CSMD1: variants seen among roughly 807,000 people sequenced by gnomAD.
CSMD1 encodes CUB and Sushi multiple domains 1, also known as CUB and sushi domain-containing protein 1.
CSMD1 carries 213 observed loss-of-function variants against 417.5 expected under a neutral mutation model. That is an observed-to-expected ratio of 0.51 (90% CI 0.46 to 0.57). The LOEUF is 0.57. CSMD1 is among the 20% of genes least tolerant of loss of function. The probability of loss-of-function intolerance (pLI) is 0.00; values close to 1 mark genes in which losing one functional copy is unlikely to be tolerated. For synonymous variants in CSMD1, 2,862 were observed against 1,736.8 expected, an observed-to-expected ratio of 1.65 and a Z score of -16.11; for missense variants, 6,923 against 4,529.7, an observed-to-expected ratio of 1.53 and a Z score of -15.17.
intron 49 of CSMD1, among the ~76,000 whole-genome samples, chr8:3,086,705 G>C (rs939050877): frequency 1.3e-5 from 2 of 152,112 alleles, no homozygotes; most frequent in African/African-American, 4.8e-5. Flanking sequence ...CAAATACAGA[G>C]CTTAGGGCTC....
chr8:4,291,437 A>C (rs1354857958), intron 3 of CSMD1, among the ~76,000 whole-genome samples: 2 of 152,174 alleles, frequency 1.3e-5, no homozygotes, highest in Admixed American at 6.5e-5. Flanking sequence ...AGCATGGTAG[A>C]ATTTGAATTA....
chr8:3,284,041 G>T, intron 26 of CSMD1, 103 bp downstream of exon 26: 1 of 943,030 alleles, frequency 1.1e-6, no homozygotes, highest in Non-Finnish European at 1.6e-6. Context: ...TCAATAAATT[G>T]CATCTGTGTA....
chr8:4,682,955 C>T (rs1333526527), intron 1 of CSMD1, among the ~76,000 whole-genome samples: 7 of 118,490 alleles, frequency 5.9e-5, no homozygotes, highest in Non-Finnish European at 7.0e-5. Flanking sequence ...TAAGTATCTT[C>T]ATATATATAT....
chr8:4,774,790 T>A (rs1295134257), intron 1 of CSMD1, among the ~76,000 whole-genome samples: 1 of 152,048 alleles, frequency 6.6e-6, no homozygotes, highest in East Asian at 1.9e-4. Flanking sequence ...CTGTAGCACC[T>A]CCCCGCCAAC....
intron 1 of CSMD1, among the ~76,000 whole-genome samples, chr8:4,702,675 C>T (rs1362277378): frequency 6.6e-6 from 1 of 152,058 alleles, no homozygotes; most frequent in African/African-American, 2.4e-5. Flanking sequence ...TTTTAATAAC[C>T]ACTAATACAA....
chr8:4,761,819 A>G (rs1340190704), intron 1 of CSMD1, among the ~76,000 whole-genome samples: 2 of 151,476 alleles, frequency 1.3e-5, no homozygotes, highest in African/African-American at 2.4e-5. Context: ...TAAATAAAAT[A>G]GCAAAATAGT....
intron 1 of CSMD1, among the ~76,000 whole-genome samples, chr8:4,924,378 A>T (rs989291276): frequency 6.6e-6 from 1 of 152,236 alleles, no homozygotes; most frequent in Non-Finnish European, 1.5e-5. Flanking sequence ...TTATTGAATT[A>T]AAAACCATCT....
intron 2 of CSMD1, among the ~76,000 whole-genome samples, chr8:4,563,272 G>A (rs545416969): frequency 3.9e-5 from 6 of 152,096 alleles, no homozygotes; most frequent in Admixed American, 6.5e-5. Context: ...ATGGTGGCGG[G>A]CACCTGTAGT....
intron 3 of CSMD1, among the ~76,000 whole-genome samples, chr8:4,032,757 G>C (rs1401827805): frequency 6.6e-6 from 1 of 152,192 alleles, no homozygotes; most frequent in Non-Finnish European, 1.5e-5. Context: ...TTTGACAACA[G>C]AAATACTGAA....
intron 2 of CSMD1, among the ~76,000 whole-genome samples, chr8:4,455,257 T>TA (rs1451774115): frequency 4.6e-5 from 7 of 151,900 alleles, no homozygotes; most frequent in Non-Finnish European, 5.9e-5. Context: ...TTCCCCAGGT[T>TA]AAAAAAAATA....
chr8:3,946,236 G>A (rs930160761), intron 5 of CSMD1, among the ~76,000 whole-genome samples: 2 of 152,116 alleles, frequency 1.3e-5, no homozygotes, highest in African/African-American at 4.8e-5. Flanking sequence ...CAAGTTGTAT[G>A]CATCTTGATA....
intron 1 of CSMD1, among the ~76,000 whole-genome samples, chr8:4,823,083 A>T (rs529491792): frequency 6.6e-6 from 1 of 152,192 alleles, no homozygotes; most frequent in South Asian, 2.1e-4. Context: ...ATTTATTTTA[A>T]GTGATGTCTT....
At chr8:3,270,924 AT>A (rs1008638432) in intron 26 of CSMD1, among the ~76,000 whole-genome samples, 2 of 119,194 alleles carry the variant, frequency 1.7e-5, no homozygotes. Flanking sequence ...TTTTTTTTTA[AT>A]TTTTTATTTA....
At chr8:4,641,239 C>T (rs1342315399) in intron 1 of CSMD1, among the ~76,000 whole-genome samples, 4 of 151,940 alleles carry the variant, frequency 2.6e-5, no homozygotes, top group Non-Finnish European at 5.9e-5. Flanking sequence ...AAAACCTGAA[C>T]ACATGCCATA....
chr8:3,952,511 AC>A (rs1811659540), intron 5 of CSMD1, among the ~76,000 whole-genome samples: 1 of 152,230 alleles, frequency 6.6e-6, no homozygotes, highest in Non-Finnish European at 1.5e-5. Context: ...AGCCACATAA[AC>A]AAAACCTCCT....
chr8:3,087,355 G>A, intron 48 of CSMD1, 70 bp from the exon 49 acceptor site: 3 of 1,481,368 alleles, frequency 2.0e-6, no homozygotes, highest in Non-Finnish European at 2.8e-6. Context: ...TTGCCTTTGT[G>A]AGAGTCTATA....
chr8:4,572,364 C>T (rs1013494762), intron 2 of CSMD1, among the ~76,000 whole-genome samples: 14 of 152,116 alleles, frequency 9.2e-5, no homozygotes, highest in Non-Finnish European at 2.9e-5. Flanking sequence ...TTTATTTCTC[C>T]TTCGCTTATG....
At chr8:3,553,585 A>G (rs1191754769) in intron 10 of CSMD1, among the ~76,000 whole-genome samples, 1 of 152,222 alleles carries the variant, frequency 6.6e-6, no homozygotes, top group East Asian at 1.9e-4. Flanking sequence ...CTTTTATCAG[A>G]ACATAAACCA....
intron 2 of CSMD1, among the ~76,000 whole-genome samples, chr8:4,633,302 A>G (rs1438264844): frequency 2.6e-5 from 4 of 152,034 alleles, no homozygotes; most frequent in Admixed American, 2.6e-4. Flanking sequence ...GCTGGAGTGC[A>G]GTGGTGCGAT....
Sources: allele counts gnomAD v4.1 joint callset (sites outside exome capture counted in the v4.1 genomes callset), GRCh38; gene constraint gnomAD v4.1.1; transcripts MANE v1.5; gene names NCBI Gene and HGNC (gene_info 2026-07-23, HGNC 2026-07-21).